NYAP2: variants seen among roughly 807,000 people sequenced by gnomAD.
NYAP2 encodes the protein neuronal tyrosine-phosphorylated phosphoinositide-3-kinase adapter 2.
NYAP2 carries 23 observed loss-of-function variants against 50.4 expected under a neutral mutation model. The ratio of observed to expected loss-of-function variants is 0.46; its 90% CI spans 0.33 to 0.65. The LOEUF (loss-of-function observed/expected upper bound fraction) is 0.65, where lower values mean the gene tolerates loss of function less well. NYAP2 is among the 30% of genes least tolerant of loss of function. NYAP2 has a pLI of 0.02. For missense variants in NYAP2, 885 were observed against 861.0 expected (o/e 1.03, Z -0.35); for synonymous variants, 394 against 365.2 (o/e 1.08, Z -0.90).
exon 7 of NYAP2, chr2:225,651,608 G>T: frequency 6.2e-7 from 1 of 1,606,926 alleles, no homozygotes; most frequent in Non-Finnish European, 8.5e-7. Context: ...ACCTCTGTCT[G>T]TCCTGTTGCT....
chr2:225,610,555 A>G (rs1189842071), intron 5 of NYAP2, among the ~76,000 whole-genome samples: 1 of 152,198 alleles, frequency 6.6e-6, no homozygotes, highest in African/African-American at 2.4e-5. Flanking sequence ...GATAGAAGGA[A>G]ATAGTAAATA....
At chr2:225,579,643 G>T (rs985298342) in intron 4 of NYAP2, among the ~76,000 whole-genome samples, 7 of 152,176 alleles carry the variant, frequency 4.6e-5, no homozygotes, top group African/African-American at 9.7e-5. Flanking sequence ...GAGAGAAGTT[G>T]TCACCAGTGT....
intron 3 of NYAP2, among the ~76,000 whole-genome samples, chr2:225,468,708 T>C (rs1031257860): frequency 2.0e-5 from 3 of 152,162 alleles, no homozygotes; most frequent in African/African-American, 7.2e-5. Flanking sequence ...ATTTAAATAA[T>C]CTAGCCATTC....
At chr2:225,592,102 T>G (rs1692518190) in intron 5 of NYAP2, among the ~76,000 whole-genome samples, 1 of 152,104 alleles carries the variant, frequency 6.6e-6, no homozygotes, top group Non-Finnish European at 1.5e-5. Flanking sequence ...AACTTAAGGA[T>G]GTATGTTCAG....
chr2:225,411,993 T>A (rs1403450584), intron 3 of NYAP2, among the ~76,000 whole-genome samples: 1 of 149,120 alleles, frequency 6.7e-6, no homozygotes, highest in Non-Finnish European at 1.5e-5. Flanking sequence ...TAATATTATA[T>A]TATACTATAA....
At chr2:225,408,965 A>G in exon 3 of NYAP2, 1 of 1,611,768 alleles carries the variant, frequency 6.2e-7, no homozygotes, top group Non-Finnish European at 8.5e-7. Context: ...TATGGGGATG[A>G]AGGCCTATGA....
exon 5 of NYAP2, chr2:225,583,026 C>A (rs2106230493): frequency 6.2e-7 from 1 of 1,610,620 alleles, no homozygotes; most frequent in Non-Finnish European, 8.5e-7. Flanking sequence ...CTCCAAAGAG[C>A]CTGCAGAGAG....
chr2:225,657,747 T>C (rs1693851188), downstream of NYAP2, among the ~76,000 whole-genome samples: 1 of 152,144 alleles, frequency 6.6e-6, no homozygotes, highest in Admixed American at 6.5e-5. Flanking sequence ...ATGCACACTT[T>C]AGTTTAGCCC....
chr2:225,632,591 C>T (rs724024), intron 6 of NYAP2, among the ~76,000 whole-genome samples: 5,557 of 152,258 alleles, frequency 0.036, 333 homozygotes, highest in African/African-American at 0.12. Flanking sequence ...TGGGGTACTT[C>T]GTTAAAGTCA....
chr2:225,509,866 C>A (rs1427045620), intron 3 of NYAP2, among the ~76,000 whole-genome samples: 5 of 152,262 alleles, frequency 3.3e-5, no homozygotes, highest in African/African-American at 1.2e-4. Context: ...CCTACCTGTA[C>A]AAGGAATATG....
At position 225,416,680 on chromosome 2, in the gene NYAP2, C is replaced by T. The variant is rs115376789; in HGVS notation, c.221+7579C>T. ...GGGTAAGCCTCCTTCAGTCTTCTCACGTACCTTTCAAGAGCTATTTATACT... is the reference window on the plus strand; with the variant it reads ...GGGTAAGCCTCCTTCAGTCTTCTCATGTACCTTTCAAGAGCTATTTATACT... On this transcript the variant is annotated intron_variant, in intron 3 of 6. Coordinates refer to ENST00000636099, the Ensembl canonical transcript of NYAP2. 4.5e-3 allele frequency among the ~76,000 whole-genome samples: 678 copies of T among 152,224 alleles called. 5 individuals are homozygous for T. The highest frequency in any genetic ancestry group is 0.015 in the African/African-American group (630 of 41,544).
chr2:225,597,461 T>C (rs1470515305), intron 5 of NYAP2, among the ~76,000 whole-genome samples: 2 of 133,288 alleles, frequency 1.5e-5, no homozygotes, highest in South Asian at 5.1e-4. Context: ...TAAGTCACTG[T>C]GAATGCCATT....
chr2:225,477,499 G>C (rs1375684941), intron 3 of NYAP2, among the ~76,000 whole-genome samples: 3 of 151,986 alleles, frequency 2.0e-5, no homozygotes, highest in Non-Finnish European at 4.4e-5. Context: ...GCCTCCCAAA[G>C]TGCTGGGATT....
chr2:225,512,836 TC>T (rs1360060036), intron 3 of NYAP2, among the ~76,000 whole-genome samples: 6 of 88,098 alleles, frequency 6.8e-5, no homozygotes, highest in Non-Finnish European at 1.5e-4. Flanking sequence ...TCTCTCTCTC[TC>T]TTTCTTTCTT....
chr2:225,486,658 G>T (rs549484933), intron 3 of NYAP2, among the ~76,000 whole-genome samples: 6 of 152,110 alleles, frequency 3.9e-5, no homozygotes, highest in Admixed American at 3.3e-4. Context: ...CATTGTACTC[G>T]TTCAAAGCAA....
At chr2:225,596,427 T>C (rs756541562) in intron 5 of NYAP2, among the ~76,000 whole-genome samples, 2 of 152,180 alleles carry the variant, frequency 1.3e-5, no homozygotes, top group South Asian at 2.1e-4. Flanking sequence ...TTTTCTGGCA[T>C]AAAGTGTATG....
intron 6 of NYAP2, among the ~76,000 whole-genome samples, chr2:225,628,382 T>G (rs1197917176): frequency 1.4e-5 from 2 of 142,592 alleles, no homozygotes; most frequent in Non-Finnish European, 3.0e-5. Flanking sequence ...AGTGCAATGG[T>G]GCGATCTTGG....
At chr2:225,439,035 T>C (rs1245808654) in intron 3 of NYAP2, among the ~76,000 whole-genome samples, 1 of 152,062 alleles carries the variant, frequency 6.6e-6, no homozygotes, top group African/African-American at 2.4e-5. Context: ...GCATGTGAGT[T>C]GGTATAAGTT....
chr2:225,480,330 A>G (rs1690185034), intron 3 of NYAP2, among the ~76,000 whole-genome samples: 1 of 152,122 alleles, frequency 6.6e-6, no homozygotes, highest in Admixed American at 6.6e-5. Context: ...GAAGATAGAT[A>G]TGTAAATGAA....
Sources: allele counts gnomAD v4.1 joint callset (sites outside exome capture counted in the v4.1 genomes callset), GRCh38; gene constraint gnomAD v4.1.1; transcripts MANE v1.5; gene names NCBI Gene and HGNC (gene_info 2026-07-23, HGNC 2026-07-21).